The following CA10 variants were observed in gnomAD, a reference collection of about 807,000 sequenced individuals.
The protein encoded by CA10 is carbonic anhydrase 10 (inactive).
In CA10, 14 loss-of-function variants were observed where a neutral mutation model predicts 44.2. The ratio of observed to expected loss-of-function variants is 0.32; its 90% CI spans 0.21 to 0.50. CA10 has a LOEUF of 0.50. Among genes scored for constraint, CA10 ranks in the 20% least tolerant of loss-of-function variants. The pLI, the probability that CA10 is intolerant of heterozygous loss-of-function variation, is 0.99. For missense variants in CA10, 350 were observed against 409.7 expected, an observed-to-expected ratio of 0.85 and a Z score of 1.26; for synonymous variants, 159 against 141.6, an observed-to-expected ratio of 1.12 and a Z score of -0.87.
At chr17:51,978,943 T>C (rs1243581948) in intron 2 of CA10, among the ~76,000 whole-genome samples, 1 of 152,100 alleles carries the variant, frequency 6.6e-6, no homozygotes, top group African/African-American at 2.4e-5. Context: ...ATAAGAAGGC[T>C]TCCTGCATGC....
chr17:51,744,364 T>C (rs948837862), intron 4 of CA10, among the ~76,000 whole-genome samples: 23 of 151,712 alleles, frequency 1.5e-4, no homozygotes, highest in Admixed American at 2.6e-4. Context: ...CATCAGAAGA[T>C]ACATTAAAAC....
rs140850689 is a variant in CA10, at chr17:52,157,741, T to C, written c.46A>G (p.Ile16Val). The C allele has an allele frequency of 5.3e-4, 849 of 1,613,964 alleles. 1 individual carries two copies. Among genetic ancestry groups the C allele is most frequent in the Non-Finnish European group, 6.6e-4 (783 of 1,179,944 alleles). ...EVLFLLQANF[I>V]VCISAQQNSP... ...CGTCCCGTACCTGATATGCAGACGA[T>C]GAAATTGGCTTGAAGAAGAAAAAGC... The change falls in exon 1 of 9, where the codon ATC (isoleucine) becomes GTC (valine). Residue 16 changes from isoleucine to valine, a missense_variant. By Grantham distance (29) the Ile-to-Val change is conservative. Transcript: ENST00000451037.
At chr17:51,841,535 A>G (rs76899275) in intron 3 of CA10, among the ~76,000 whole-genome samples, 4,020 of 152,300 alleles carry the variant, frequency 0.026, 72 homozygotes, top group Middle Eastern at 0.048. Context: ...ACTCCAATAA[A>G]TAGGATAAAT....
chr17:52,057,499 G>C lies in CA10; in HGVS notation c.136+14820C>G, dbSNP rs1186725873. 2.6e-5 allele frequency among the ~76,000 whole-genome samples: 4 copies of C among 151,962 alleles called. No individual in the cohort carries two copies. The South Asian group carries it at 8.3e-4, about 32-fold the overall frequency. ...AGTATTTAATAAATATATAAAATAC[G>C]TGTTGATGAACTATTTGTTATCAGT... On this transcript the variant is annotated intron_variant, in intron 2 of 8. Coordinates refer to ENST00000451037, the MANE Select transcript of CA10 (RefSeq NM_020178.5).
At chr17:52,099,004 T>C (rs1478299292) in intron 1 of CA10, among the ~76,000 whole-genome samples, 1 of 152,024 alleles carries the variant, frequency 6.6e-6, no homozygotes. Flanking sequence ...CATGAATAAA[T>C]AAACAAGAAG....
At chr17:51,843,349 T>TA in intron 3 of CA10, among the ~76,000 whole-genome samples, 1 of 152,372 alleles carries the variant, frequency 6.6e-6, no homozygotes, top group Admixed American at 6.5e-5. Flanking sequence ...AGCCTTTGAA[T>TA]AAACCGTGAC....
At chr17:51,949,819 G>A (rs1983416537) in intron 2 of CA10, among the ~76,000 whole-genome samples, 1 of 152,050 alleles carries the variant, frequency 6.6e-6, no homozygotes, top group African/African-American at 2.4e-5. Context: ...AGAGCTTTGT[G>A]GCCCCTGTGC....
At chr17:51,918,162 GC>G (rs1213060133) in intron 3 of CA10, among the ~76,000 whole-genome samples, 2 of 152,120 alleles carry the variant, frequency 1.3e-5, no homozygotes, top group Admixed American at 6.5e-5. Context: ...AACCTACCTA[GC>G]AACGATGCAT....
chr17:52,134,524 C>G (rs190918474), intron 1 of CA10, among the ~76,000 whole-genome samples: 9 of 152,228 alleles, frequency 5.9e-5, no homozygotes, highest in African/African-American at 2.2e-4. Flanking sequence ...GAATTGAAGG[C>G]TATTGTAAAG....
At chr17:51,830,195 C>CAAAA (rs1220410518) in intron 3 of CA10, among the ~76,000 whole-genome samples, 26 of 89,906 alleles carry the variant, frequency 2.9e-4, no homozygotes, top group African/African-American at 5.3e-4. Flanking sequence ...GACTCCATCT[C>CAAAA]AAAAAAAAAA....
chr17:51,797,175 G>C (rs1269635297), intron 3 of CA10, among the ~76,000 whole-genome samples: 1 of 152,154 alleles, frequency 6.6e-6, no homozygotes, highest in Non-Finnish European at 1.5e-5. Flanking sequence ...TCCAGCGGTT[G>C]GTGGATGACA....
chr17:51,830,173 G>A (rs1371804271), intron 3 of CA10, among the ~76,000 whole-genome samples: 3 of 128,720 alleles, frequency 2.3e-5, no homozygotes, highest in Admixed American at 8.8e-5. Context: ...CTCCAGGCTG[G>A]CAACAGAGCA....
intron 3 of CA10, among the ~76,000 whole-genome samples, chr17:51,825,372 CT>C (rs1907970674): frequency 1.3e-5 from 2 of 152,012 alleles, no homozygotes; most frequent in African/African-American, 2.4e-5. Context: ...AGAATATACT[CT>C]TTACCAGGCC....
chr17:52,041,126 GTAGCT>G (rs1986757104), intron 2 of CA10, among the ~76,000 whole-genome samples: 2 of 152,150 alleles, frequency 1.3e-5, no homozygotes, highest in South Asian at 4.2e-4. Flanking sequence ...GAGATTCCAA[GTAGCT>G]TAACTGCATA....
At chr17:51,752,025 G>A (rs551773471) in intron 3 of CA10, among the ~76,000 whole-genome samples, 1 of 152,210 alleles carries the variant, frequency 6.6e-6, no homozygotes, top group East Asian at 1.9e-4. Flanking sequence ...GGGGCACAAA[G>A]TTATGGGCAA....
intron 1 of CA10, among the ~76,000 whole-genome samples, chr17:52,103,329 C>G (rs1988584699): frequency 6.6e-6 from 1 of 152,222 alleles, no homozygotes; most frequent in South Asian, 2.1e-4. Flanking sequence ...CCAGGATCAA[C>G]TCCCTGCCAG....
chr17:52,110,710 C>T (rs1427769420), intron 1 of CA10, among the ~76,000 whole-genome samples: 1 of 152,198 alleles, frequency 6.6e-6, no homozygotes, highest in Non-Finnish European at 1.5e-5. Context: ...GGTTGGTTCC[C>T]TCTTGGGATG....
intron 1 of CA10, among the ~76,000 whole-genome samples, chr17:52,125,241 G>T (rs1225307781): frequency 6.6e-6 from 1 of 152,180 alleles, no homozygotes. Context: ...GTGTCTCATT[G>T]ATAAGTACTT....
At chr17:51,875,817 C>T (rs1246091494) in intron 3 of CA10, among the ~76,000 whole-genome samples, 4 of 152,154 alleles carry the variant, frequency 2.6e-5, no homozygotes, top group African/African-American at 2.4e-5. Flanking sequence ...CTTAACTCCC[C>T]TTCACCACCC....
Sources: allele counts gnomAD v4.1 joint callset (sites outside exome capture counted in the v4.1 genomes callset), GRCh38; gene constraint gnomAD v4.1.1; transcripts MANE v1.5; gene names NCBI Gene and HGNC (gene_info 2026-07-23, HGNC 2026-07-21).